The following ZC3H7A variants were observed in gnomAD, a reference collection of about 807,000 sequenced individuals.
ZC3H7A encodes zinc finger CCCH-type containing 7A.
A neutral mutation model predicts 125.5 loss-of-function variants in ZC3H7A; 44 were observed. The ratio of observed to expected loss-of-function variants is 0.35; its 90% CI spans 0.28 to 0.45. The LOEUF (loss-of-function observed/expected upper bound fraction) is 0.45. ZC3H7A is among the 20% of genes least tolerant of loss of function. ZC3H7A has a pLI of 1.00. For missense variants in ZC3H7A, 977 were observed against 1,170.7 expected (o/e 0.83, Z 2.41); for synonymous variants, 399 against 391.2 (o/e 1.02, Z -0.23).
chr16:11,768,901 C>A, intron 11 of ZC3H7A, 130 bp downstream of exon 11: 1 of 913,264 alleles, frequency 1.1e-6, no homozygotes, highest in Admixed American at 3.0e-5. Context: ...AGAAGTCTTA[C>A]TTTAACACAA....
At chr16:11,751,578 T>A (rs979667662) in intron 22 of ZC3H7A, 72 bp from the exon 23 acceptor site, 1 of 1,449,930 alleles carries the variant, frequency 6.9e-7, no homozygotes, top group Non-Finnish European at 9.3e-7. Context: ...TTCTTGAAAC[T>A]GTATATTTCA....
rs2052573167 is a variant in ZC3H7A, at chr16:11,752,680, A to T, written c.2715T>A (p.Ser905Arg). 6.2e-7 allele frequency: 1 copy of T among 1,611,122 alleles called. No homozygotes were observed. The highest frequency in any genetic ancestry group is 8.5e-7 in the Non-Finnish European group (1 of 1,179,290). Residue 905 changes from serine to arginine, a missense_variant, in exon 22 of 23, where the codon AGT (serine) becomes AGA (arginine). Ser to Arg is a moderately radical substitution (Grantham distance 110). Transcript: ENST00000355758. ...AGAAACCTACATACCTATCACAAAT[A>T]CTGAAATAGCCTGTTGGGAAGCGGT... The part of the protein sequence containing the change: ...WQHRFPTGYF[S>R]ICDRYMNGTC...
chr16:11,760,478 T>A (rs2052735170), intron 19 of ZC3H7A, among the ~76,000 whole-genome samples: 1 of 152,242 alleles, frequency 6.6e-6, no homozygotes, highest in South Asian at 2.1e-4. Context: ...GCTGGCTGTG[T>A]TACTTGTGTA....
chr16:11,752,627 G>A, intron 22 of ZC3H7A, 42 bp downstream of exon 22: 1 of 1,581,004 alleles, frequency 6.3e-7, no homozygotes, highest in Non-Finnish European at 8.6e-7. Flanking sequence ...AAAATTTGAG[G>A]TCAGCAATTC....
At chr16:11,767,362 G>T (rs1596386019) in intron 13 of ZC3H7A, 55 bp downstream of exon 13, 6 of 1,286,578 alleles carry the variant, frequency 4.7e-6, no homozygotes, top group South Asian at 4.6e-5. Flanking sequence ...AGCTAAGCAT[G>T]ACTGTAGTTC....
At position 11,774,594 on chromosome 16, in the gene ZC3H7A, G is replaced by C. The variant is rs181575852; in HGVS notation, c.620-75C>G. The C allele has an allele frequency of 1.8e-4, 258 of 1,405,602 alleles. 3 individuals are homozygous for C. The African/African-American group carries it at 3.2e-3, about 18-fold the overall frequency. The allele number at this position is 1,405,602 out of a possible 1,614,324, so 87.1% of individuals were successfully genotyped here. A position where few individuals can be genotyped will look rare whatever the true frequency, so the allele number is the denominator to read the frequency against. On this transcript the variant is annotated intron_variant, in intron 8 of 22. Coordinates refer to ENST00000355758, the MANE Select transcript of ZC3H7A (RefSeq NM_014153.4). ...ATAATACCATTAATCCCCAATAATA[G>C]AGATACAAAGATGAAAATATGAAGG...
intron 3 of ZC3H7A, among the ~76,000 whole-genome samples, chr16:11,779,837 C>A (rs1271064732): frequency 6.6e-6 from 1 of 151,068 alleles, no homozygotes; most frequent in Non-Finnish European, 1.5e-5. Flanking sequence ...TAAAATCTAC[C>A]AATTTCTAGG....
chr16:11,782,601 CTTTTTTTT>C (rs896160381), intron 1 of ZC3H7A: 1,879 of 130,602 alleles, frequency 0.014, 56 homozygotes, highest in African/African-American at 0.063. Context: ...TTTTCATATT[CTTTTTTTT>C]TTTTTTTTTT....
intron 1 of ZC3H7A, among the ~76,000 whole-genome samples, chr16:11,788,815 T>C (rs538262617): frequency 6.6e-6 from 1 of 152,216 alleles, no homozygotes; most frequent in South Asian, 2.1e-4. Context: ...GGTTTCACCA[T>C]GTTGGTCAGG....
At chr16:11,787,573 C>T (rs980111762) in intron 1 of ZC3H7A, among the ~76,000 whole-genome samples, 1 of 152,176 alleles carries the variant, frequency 6.6e-6, no homozygotes, top group Admixed American at 6.5e-5. Flanking sequence ...GCGATCCTCC[C>T]TCATCAGCCT....
chr16:11,769,780 C>CTTTTTTTTTTTTTT (rs1473210052), intron 10 of ZC3H7A, among the ~76,000 whole-genome samples: 1 of 55,378 alleles, frequency 1.8e-5, no homozygotes, highest in African/African-American at 1.6e-4. Context: ...TTTTCAATTG[C>CTTTTTTTTTTTTTT]TTTCTTTTTT....
chr16:11,756,998 T>G (rs7186485), intron 20 of ZC3H7A, among the ~76,000 whole-genome samples: 1 of 151,566 alleles, frequency 6.6e-6, no homozygotes, highest in Non-Finnish European at 1.5e-5. Context: ...GTGCTAAAGC[T>G]GAGGTTTCTC....
chr16:11,775,956 T>C (rs1298929897), intron 7 of ZC3H7A, among the ~76,000 whole-genome samples: 1 of 152,160 alleles, frequency 6.6e-6, no homozygotes, highest in African/African-American at 2.4e-5. Flanking sequence ...GCTCAGGAGT[T>C]TGAGGCCAGC....
chr16:11,794,577 G>A (rs2053403466), intron 1 of ZC3H7A, among the ~76,000 whole-genome samples: 2 of 152,112 alleles, frequency 1.3e-5, no homozygotes, highest in African/African-American at 2.4e-5. Context: ...ACTTCCAGAC[G>A]TTATCCAGAA....
At chr16:11,753,474 C>G (rs992844159) in intron 21 of ZC3H7A, among the ~76,000 whole-genome samples, 2 of 152,092 alleles carry the variant, frequency 1.3e-5, no homozygotes, top group Admixed American at 1.3e-4. Context: ...GACATGGTCT[C>G]GCTGTCATCC....
chr16:11,777,267 C>T (rs919925610), intron 4 of ZC3H7A, among the ~76,000 whole-genome samples: 32 of 152,196 alleles, frequency 2.1e-4, no homozygotes, highest in African/African-American at 7.7e-4. Flanking sequence ...ATTAAGATGT[C>T]AAACAGAAAC....
chr16:11,776,191 T>C (rs1200633037), intron 7 of ZC3H7A, 129 bp downstream of exon 7: 9 of 859,336 alleles, frequency 1.0e-5, no homozygotes, highest in Non-Finnish European at 1.6e-5. Flanking sequence ...AGGAGGGTAT[T>C]GCCAATTACG....
intron 1 of ZC3H7A, among the ~76,000 whole-genome samples, chr16:11,785,330 C>A (rs1047483244): frequency 2.0e-5 from 3 of 151,440 alleles, no homozygotes; most frequent in African/African-American, 7.3e-5. Flanking sequence ...CAGAGTGAGA[C>A]CTTGCCTCGA....
intron 17 of ZC3H7A, 67 bp downstream of exon 17, chr16:11,762,604 C>G (rs1036491100): frequency 2.7e-6 from 4 of 1,471,002 alleles, no homozygotes; most frequent in Non-Finnish European, 3.8e-6. Context: ...CATCCACCAA[C>G]AACCAACATC....
Sources: gnomAD v4.1 joint callset for allele counts (sites outside exome capture counted in the v4.1 genomes callset) on GRCh38, gnomAD v4.1.1 for gene constraint, MANE v1.5 for transcripts, NCBI Gene and HGNC (gene_info 2026-07-23, HGNC 2026-07-21) for gene names.